SGCZ: variants seen among roughly 807,000 people sequenced by gnomAD.
The protein encoded by SGCZ is sarcoglycan zeta.
Under a neutral mutation model 41.3 loss-of-function variants are expected in SGCZ, and 40 were observed. The ratio of observed to expected loss-of-function variants is 0.97; its 90% confidence interval spans 0.75 to 1.26. The LOEUF is 1.26. SGCZ is among the 50% of genes most tolerant of loss of function. SGCZ has a pLI of 0.00. For synonymous variants in SGCZ, 206 were observed against 137.5 expected (o/e 1.50, Z -3.49); for missense variants, 552 against 369.8 (o/e 1.49, Z -4.04).
intron 1 of SGCZ, among the ~76,000 whole-genome samples, chr8:14,555,414 G>T (rs968219457): frequency 6.6e-6 from 1 of 151,906 alleles, no homozygotes; most frequent in African/African-American, 2.4e-5. Flanking sequence ...ATGGGACGTG[G>T]TTAAGTGGGT....
chr8:14,220,374 T>C (rs1213483687), intron 4 of SGCZ, among the ~76,000 whole-genome samples: 1 of 151,572 alleles, frequency 6.6e-6, no homozygotes, highest in African/African-American at 2.4e-5. Context: ...AATTTATTTA[T>C]ATACACTTCA....
chr8:14,726,942 A>G (rs1256341580), intron 1 of SGCZ, among the ~76,000 whole-genome samples: 2 of 152,180 alleles, frequency 1.3e-5, no homozygotes, highest in East Asian at 3.8e-4. Flanking sequence ...CGAATCATGA[A>G]GGCAAATTCT....
intron 7 of SGCZ, among the ~76,000 whole-genome samples, chr8:14,099,761 C>A (rs941836789): frequency 2.2e-4 from 34 of 152,124 alleles, no homozygotes; most frequent in Non-Finnish European, 3.7e-4. Context: ...TTTCTTTGAT[C>A]TTGTGGTATA....
intron 1 of SGCZ, among the ~76,000 whole-genome samples, chr8:15,097,857 CGTGTGTGTGTATATATATATATAT>C (rs1806425240): frequency 7.6e-5 from 3 of 39,442 alleles, no homozygotes; most frequent in African/African-American, 3.1e-4. Context: ...TATATATATA[CGTGTGTGTGTATATATATATATAT>C]ACGTGTGTAT....
chr8:14,442,660 C>A, intron 2 of SGCZ, among the ~76,000 whole-genome samples: 1 of 152,176 alleles, frequency 6.6e-6, no homozygotes. Context: ...TTAATCCAAC[C>A]CAGTGATCTC....
At chr8:14,324,697 A>G (rs950908173) in intron 2 of SGCZ, among the ~76,000 whole-genome samples, 3 of 152,180 alleles carry the variant, frequency 2.0e-5, no homozygotes, top group Non-Finnish European at 4.4e-5. Context: ...TGTTCAAACC[A>G]TGAGTAGGTG....
intron 2 of SGCZ, among the ~76,000 whole-genome samples, chr8:14,400,444 A>T (rs965045529): frequency 2.0e-5 from 3 of 152,082 alleles, no homozygotes; most frequent in African/African-American, 7.2e-5. Context: ...TACATATATA[A>T]GCATGTATGT....
chr8:14,401,411 A>G (rs1324452025), intron 2 of SGCZ, among the ~76,000 whole-genome samples: 1 of 143,684 alleles, frequency 7.0e-6, no homozygotes, highest in African/African-American at 2.6e-5. Flanking sequence ...AGCATTAGGT[A>G]TATCTCCTAA....
chr8:14,100,552 TTAATA>T, intron 7 of SGCZ, among the ~76,000 whole-genome samples: 1 of 81,584 alleles, frequency 1.2e-5, no homozygotes, highest in Non-Finnish European at 2.8e-5. Flanking sequence ...ATACATTAGA[TTAATA>T]TATTATATAT....
At chr8:14,694,624 T>C (rs546718360) in intron 1 of SGCZ, among the ~76,000 whole-genome samples, 2 of 152,252 alleles carry the variant, frequency 1.3e-5, no homozygotes, top group South Asian at 2.1e-4. Flanking sequence ...GACTGTGCCT[T>C]TCTCATTTAC....
At chr8:15,124,761 A>C (rs1259171825) in intron 1 of SGCZ, among the ~76,000 whole-genome samples, 1 of 152,230 alleles carries the variant, frequency 6.6e-6, no homozygotes, top group Admixed American at 6.5e-5. Flanking sequence ...GGGGAACATA[A>C]GATCAAACAA....
chr8:14,264,684 G>A (rs1460433844), intron 3 of SGCZ, among the ~76,000 whole-genome samples: 2 of 152,138 alleles, frequency 1.3e-5, no homozygotes, highest in African/African-American at 4.8e-5. Flanking sequence ...GATGGTTGCC[G>A]GGAGCGGAGT....
At chr8:15,047,600 G>C (rs1370423980) in intron 1 of SGCZ, among the ~76,000 whole-genome samples, 1 of 151,976 alleles carries the variant, frequency 6.6e-6, no homozygotes, top group Admixed American at 6.6e-5. Flanking sequence ...AGAGAGTACA[G>C]GGATCTCAGG....
At chr8:15,152,421 T>C (rs1162985272) in intron 1 of SGCZ, among the ~76,000 whole-genome samples, 1 of 152,162 alleles carries the variant, frequency 6.6e-6, no homozygotes, top group Non-Finnish European at 1.5e-5. Flanking sequence ...AATAAACACA[T>C]AACCTGGAGA....
intron 4 of SGCZ, among the ~76,000 whole-genome samples, chr8:14,218,241 A>T (rs1269459676): frequency 6.6e-6 from 1 of 152,200 alleles, no homozygotes; most frequent in Non-Finnish European, 1.5e-5. Context: ...ATGTATGTGT[A>T]TTTCTAACAC....
rs548906917 is a variant in SGCZ, at chr8:14,562,952, C to A, written c.40-8026G>T. On this transcript the variant is annotated intron_variant, in intron 1 of 7. Coordinates refer to ENST00000382080, the MANE Select transcript of SGCZ (RefSeq NM_139167.4). ...TCAGCAAATCACCCAGTCAACTGGG[C>A]TACCCAAAGGAGGAGTAGTATAGAC... 4.6e-5 allele frequency among the ~76,000 whole-genome samples: 7 copies of A among 152,258 alleles called. No individual in the cohort carries two copies. The East Asian group carries it at 1.2e-3, about 25-fold the overall frequency.
At chr8:15,121,130 A>G (rs1031417448) in intron 1 of SGCZ, among the ~76,000 whole-genome samples, 2 of 152,210 alleles carry the variant, frequency 1.3e-5, no homozygotes, top group African/African-American at 4.8e-5. Context: ...TTCGCACTCA[A>G]TGTATGATGC....
Position 14,272,411 on chromosome 8 carries a change from C to T in SGCZ, c.337-34732G>A, listed in dbSNP as rs777583418. ...ATTGCACTATTGTCCTGAATAACCA[C>T]CAGTGTTCTGGTAAAAGTGTGGCTG... On this transcript the variant is annotated intron_variant, in intron 3 of 7. Transcript: ENST00000382080. Among the ~76,000 whole-genome samples, 5 of 152,328 alleles carry T rather than the reference C, an allele frequency of 3.3e-5. No individual in the cohort carries two copies. In the South Asian group the frequency reaches 6.2e-4, roughly 19 times the overall value.
At chr8:15,101,844 G>A (rs763220555) in intron 1 of SGCZ, among the ~76,000 whole-genome samples, 28 of 152,320 alleles carry the variant, frequency 1.8e-4, no homozygotes, top group Admixed American at 9.8e-4. Flanking sequence ...AGAATTGCTT[G>A]AACCGGGGAG....
Sources: gnomAD v4.1 joint callset for allele counts (sites outside exome capture counted in the v4.1 genomes callset) on GRCh38, gnomAD v4.1.1 for gene constraint, MANE v1.5 for transcripts, NCBI Gene and HGNC (gene_info 2026-07-23, HGNC 2026-07-21) for gene names.